FMN2: variants seen among roughly 807,000 people sequenced by gnomAD.
FMN2 encodes formin 2, also known as formin-2.
Under a neutral mutation model 142.3 loss-of-function variants are expected in FMN2, and 51 were observed. The ratio of observed to expected loss-of-function variants is 0.36; its 90% confidence interval spans 0.29 to 0.45. The LOEUF (loss-of-function observed/expected upper bound fraction) is 0.45. Ranked by LOEUF, FMN2 falls within the 20% of genes least tolerant of loss-of-function variation. The pLI, the probability that FMN2 is intolerant of heterozygous loss-of-function variation, is 1.00. For missense variants in FMN2, 1,936 were observed against 2,122.8 expected (o/e 0.91, Z 1.73); for synonymous variants, 882 against 869.8 (o/e 1.01, Z -0.25).
chr1:240,121,150 C>CA (rs112892593), intron 1 of FMN2, among the ~76,000 whole-genome samples: 10,626 of 141,436 alleles, frequency 0.075, 1,187 homozygotes, highest in African/African-American at 0.25. Context: ...AAGTCTATCT[C>CA]AAAAAAAAAA....
intron 14 of FMN2, among the ~76,000 whole-genome samples, chr1:240,388,532 G>A (rs968175556): frequency 6.6e-6 from 1 of 152,072 alleles, no homozygotes; most frequent in South Asian, 2.1e-4. Context: ...AGGTGGAGGA[G>A]AGGTGATTGC....
At chr1:240,423,427 A>G (rs981752299) in intron 15 of FMN2, among the ~76,000 whole-genome samples, 2 of 152,236 alleles carry the variant, frequency 1.3e-5, no homozygotes, top group African/African-American at 4.8e-5. Flanking sequence ...GCAATGGAAG[A>G]TTTATGATGA....
intron 15 of FMN2, among the ~76,000 whole-genome samples, chr1:240,431,421 TATAC>T (rs1412335904): frequency 6.8e-6 from 1 of 146,432 alleles, no homozygotes; most frequent in Non-Finnish European, 1.5e-5. Context: ...TATATATATA[TATAC>T]ATATATATAC....
intron 3 of FMN2, 114 bp downstream of exon 3, chr1:240,178,182 A>T (rs765434949): frequency 1.1e-5 from 13 of 1,234,884 alleles, no homozygotes; most frequent in Non-Finnish European, 1.4e-5. Flanking sequence ...TGGCATTCAG[A>T]TATAATCTTC....
rs544221120 is a variant in FMN2 at position 240,170,423 on chromosome 1, C to T, written c.1783-7498C>T. On this transcript the variant is annotated intron_variant, in intron 2 of 17. Transcript: ENST00000319653. ...GGTGAGGGAGTTGCTAAGCTGAAGGCGGGTGATAACTGTCATCCCATTTTA... is the reference window on the plus strand; with the variant it reads ...GGTGAGGGAGTTGCTAAGCTGAAGGTGGGTGATAACTGTCATCCCATTTTA... The T allele has an allele frequency of 6.9e-5, 87 of 1,261,386 alleles. No homozygotes were observed. The African/African-American group carries it at 8.8e-4, about 13-fold the overall frequency. The allele number at this position is 1,261,386 out of a possible 1,614,324, so 78.1% of individuals were successfully genotyped here.
intron 1 of FMN2, among the ~76,000 whole-genome samples, chr1:240,110,101 C>T (rs190090054): frequency 6.6e-6 from 1 of 152,282 alleles, no homozygotes; most frequent in Admixed American, 6.5e-5. Context: ...AGGTTGTTAG[C>T]CCCTGCAGGG....
chr1:240,177,511 C>T (rs1308518795), intron 2 of FMN2, among the ~76,000 whole-genome samples: 8 of 152,094 alleles, frequency 5.3e-5, no homozygotes, highest in Admixed American at 3.3e-4. Flanking sequence ...CCAAGTACAG[C>T]CTGTCCTTTG....
chr1:240,404,521 A>C (rs1412434688), intron 15 of FMN2, among the ~76,000 whole-genome samples: 1 of 152,176 alleles, frequency 6.6e-6, no homozygotes, highest in Non-Finnish European at 1.5e-5. Context: ...ACAAAGTTAG[A>C]GTTTGTTATT....
chr1:240,323,295 A>G (rs963658948), intron 8 of FMN2, among the ~76,000 whole-genome samples: 1 of 151,990 alleles, frequency 6.6e-6, no homozygotes, highest in Non-Finnish European at 1.5e-5. Flanking sequence ...CCCAGGTCCA[A>G]GCATTTCTTG....
chr1:240,305,297 A>G (rs1218716054), intron 8 of FMN2, among the ~76,000 whole-genome samples: 1 of 152,196 alleles, frequency 6.6e-6, no homozygotes, highest in Non-Finnish European at 1.5e-5. Flanking sequence ...TAACATTTAA[A>G]TGAGCTTATT....
At chr1:240,202,818 T>G (rs533501271) in intron 4 of FMN2, among the ~76,000 whole-genome samples, 1 of 152,308 alleles carries the variant, frequency 6.6e-6, no homozygotes, top group South Asian at 2.1e-4. Context: ...TCCTTTAATT[T>G]TATGCTATTT....
chr1:240,277,868 C>CA (rs569231369), intron 7 of FMN2, among the ~76,000 whole-genome samples: 21 of 152,016 alleles, frequency 1.4e-4, no homozygotes, highest in Admixed American at 2.6e-4. Flanking sequence ...CCTTATTTAC[C>CA]AGAGTGAAGG....
intron 2 of FMN2, among the ~76,000 whole-genome samples, chr1:240,128,435 T>A (rs916516494): frequency 4.6e-5 from 7 of 152,206 alleles, no homozygotes; most frequent in African/African-American, 1.7e-4. Context: ...GACCCAACCA[T>A]TTTTGCAGGG....
intron 5 of FMN2, among the ~76,000 whole-genome samples, chr1:240,210,659 T>C (rs1026713046): frequency 6.6e-6 from 1 of 152,156 alleles, no homozygotes; most frequent in Non-Finnish European, 1.5e-5. Flanking sequence ...CAAATAACAA[T>C]GGGGTGATGG....
intron 4 of FMN2, among the ~76,000 whole-genome samples, chr1:240,199,003 G>A (rs939327458): frequency 1.3e-5 from 2 of 152,154 alleles, no homozygotes; most frequent in African/African-American, 4.8e-5. Context: ...TACTCGGGAG[G>A]CTGATGAGGG....
At chr1:240,387,464 G>A (rs1673444679) in intron 14 of FMN2, among the ~76,000 whole-genome samples, 1 of 152,162 alleles carries the variant, frequency 6.6e-6, no homozygotes, top group Non-Finnish European at 1.5e-5. Context: ...TTACTGCTAT[G>A]TCTTTAAAAA....
rs77524637 is a variant in FMN2, at chr1:240,165,881, G to A, written c.1783-12040G>A. Among the ~76,000 whole-genome samples the A allele has an allele frequency of 4.6e-3, 699 of 151,930 alleles. 2 individuals carry two copies. The highest frequency in any genetic ancestry group is 0.014 in the Middle Eastern group (4 of 292). On this transcript the variant is annotated intron_variant, in intron 2 of 17. Transcript: ENST00000319653. ...TTCTAACCCCAAGTGAGAGGTGTTG[G>A]TAGGGCCAGTCTCTCTTAGAGGTCA... is the stretch of plus-strand genomic sequence containing the variant.
intron 8 of FMN2, among the ~76,000 whole-genome samples, chr1:240,310,777 G>A (rs1052502316): frequency 6.6e-6 from 1 of 152,146 alleles, no homozygotes; most frequent in African/African-American, 2.4e-5. Context: ...TGGGGAATGA[G>A]GGAGCAGATG....
At chr1:240,352,474 C>T (rs1426177707) in intron 13 of FMN2, among the ~76,000 whole-genome samples, 3 of 151,988 alleles carry the variant, frequency 2.0e-5, no homozygotes, top group African/African-American at 4.8e-5. Context: ...CCCAGCTACT[C>T]GGGAGGCCAA....
Sources: allele counts gnomAD v4.1 joint callset (sites outside exome capture counted in the v4.1 genomes callset), GRCh38; gene constraint gnomAD v4.1.1; transcripts MANE v1.5; gene names NCBI Gene and HGNC (gene_info 2026-07-23, HGNC 2026-07-21).